Variants in AKAP7 observed in about 807,000 individuals in gnomAD.
AKAP7 encodes A-kinase anchoring protein 7, also known as A kinase (PRKA) anchor protein 7.
In AKAP7, 39 loss-of-function variants were observed where a neutral mutation model predicts 39.5. The ratio of observed to expected loss-of-function variants is 0.99; its 90% confidence interval spans 0.76 to 1.29. The LOEUF (loss-of-function observed/expected upper bound fraction) is 1.29, where lower values mean the gene tolerates loss of function less well. Among genes scored for constraint, AKAP7 ranks in the 50% most tolerant of loss-of-function variants. The probability of loss-of-function intolerance (pLI) is 0.00; values close to 1 mark genes in which losing one functional copy is unlikely to be tolerated. For missense variants in AKAP7, 414 were observed against 407.7 expected, an observed-to-expected ratio of 1.02 and a Z score of -0.13; for synonymous variants, 140 against 139.1, an observed-to-expected ratio of 1.01 and a Z score of -0.05.
chr6:131,151,660 C>T (rs537012575), intron 2 of AKAP7, among the ~76,000 whole-genome samples: 9 of 151,846 alleles, frequency 5.9e-5, no homozygotes, highest in Admixed American at 2.0e-4. Flanking sequence ...GCAGGAGAAT[C>T]GCTTGAACCT....
intron 2 of AKAP7, among the ~76,000 whole-genome samples, chr6:131,154,185 G>A (rs1802204060): frequency 6.6e-6 from 1 of 151,958 alleles, no homozygotes; most frequent in African/African-American, 2.4e-5. Flanking sequence ...TCCAGCCTGG[G>A]CAACAAGAGC....
chr6:131,282,235 T>C lies in AKAP7; in HGVS notation c.*509T>C. 6.7e-6 allele frequency: 9 copies of C among 1,345,018 alleles called. No homozygotes were observed. Among genetic ancestry groups the C allele is most frequent in the Non-Finnish European group, 8.5e-6 (9 of 1,054,404 alleles). The allele number at this position is 1,345,018 out of a possible 1,614,324, so 83.3% of individuals were successfully genotyped here. On this transcript the variant is annotated 3_prime_UTR_variant, in exon 8 of 8. Transcript: ENST00000431975. ...TGTGCTGTTGCTATGCAGTGTGATC[T>C]TTATTTATAGTAAATTATGTTTCAT...
intron 5 of AKAP7, among the ~76,000 whole-genome samples, chr6:131,194,864 G>A (rs1417861517): frequency 6.6e-6 from 1 of 152,034 alleles, no homozygotes; most frequent in African/African-American, 2.4e-5. Context: ...CTCCTGCTCT[G>A]TTTTGGTTCC....
intron 5 of AKAP7, among the ~76,000 whole-genome samples, chr6:131,186,251 C>T (rs1163741468): frequency 1.3e-5 from 2 of 152,068 alleles, no homozygotes; most frequent in Non-Finnish European, 2.9e-5. Context: ...ACCTTCCCCT[C>T]TCTCTCTTAT....
intron 5 of AKAP7, among the ~76,000 whole-genome samples, chr6:131,172,102 T>A (rs1804112878): frequency 6.6e-6 from 1 of 152,142 alleles, no homozygotes; most frequent in Non-Finnish European, 1.5e-5. Context: ...GCTAGAAGTT[T>A]TAAAATCGAG....
intron 5 of AKAP7, among the ~76,000 whole-genome samples, chr6:131,175,241 A>G (rs992278723): frequency 6.6e-6 from 1 of 152,096 alleles, no homozygotes; most frequent in African/African-American, 2.4e-5. Context: ...TAGGGGTGGC[A>G]GAGGCACAAG....
upstream of AKAP7, among the ~76,000 whole-genome samples, chr6:131,134,689 G>C (rs569469635): frequency 4.6e-5 from 7 of 152,328 alleles, no homozygotes; most frequent in African/African-American, 1.4e-4. Context: ...AGAGTAACTA[G>C]TTTGCCGACT....
chr6:131,217,540 G>A (rs1300075949), intron 6 of AKAP7, among the ~76,000 whole-genome samples: 1 of 152,062 alleles, frequency 6.6e-6, no homozygotes. Flanking sequence ...CCTTCAAAAG[G>A]CGTCATGCCT....
Position 131,135,622 on chromosome 6 carries a change from G to A in AKAP7, c.-142G>A, listed in dbSNP as rs1477397152. 5.4e-6 allele frequency: 4 copies of A among 741,696 alleles called. No homozygotes were observed. In the African/African-American group the frequency reaches 5.8e-5, roughly 11 times the overall value. 45.9% of individuals were successfully genotyped at this position (741,696 alleles called of 1,614,324 possible). A position where few individuals can be genotyped will look rare whatever the true frequency, so the allele number is the denominator to read the frequency against. ...CCCGGGCCCCCGCAGCCTGTCGCTG[G>A]ACCCCGCGCCGGCCCAGCGCACCGC... On this transcript the variant is annotated 5_prime_UTR_variant, in exon 1 of 8. The change creates a premature stop within an existing upstream ORF in the 5' untranslated region. Transcript: ENST00000431975.
chr6:131,198,800 C>T (rs181141210), intron 5 of AKAP7, among the ~76,000 whole-genome samples: 3 of 152,262 alleles, frequency 2.0e-5, no homozygotes, highest in African/African-American at 7.2e-5. Flanking sequence ...TTTCCCCAGC[C>T]TCTGGTAGTT....
intron 1 of AKAP7, among the ~76,000 whole-genome samples, chr6:131,139,521 A>C (rs1800848681): frequency 6.6e-6 from 1 of 152,132 alleles, no homozygotes; most frequent in African/African-American, 2.4e-5. Context: ...ATCTGGTGAA[A>C]ATGAGAGAAT....
At chr6:131,269,208 A>G (rs1331893327) in intron 7 of AKAP7, among the ~76,000 whole-genome samples, 1 of 152,130 alleles carries the variant, frequency 6.6e-6, no homozygotes, top group Non-Finnish European at 1.5e-5. Context: ...GATTACAGAC[A>G]TGAGCCACCA....
chr6:131,193,330 G>T (rs977542641), intron 5 of AKAP7, among the ~76,000 whole-genome samples: 8 of 152,100 alleles, frequency 5.3e-5, no homozygotes, highest in African/African-American at 1.9e-4. Flanking sequence ...CAATTGAAAT[G>T]ATCATATGGT....
At chr6:131,190,413 C>T (rs1190800) in intron 5 of AKAP7, among the ~76,000 whole-genome samples, 44,407 of 151,870 alleles carry the variant, frequency 0.29, 7,108 homozygotes, top group Non-Finnish European at 0.36. Flanking sequence ...GAAGCCAAGG[C>T]GGGCAGATCA....
In AKAP7 at chr6:131,260,047, GTGTT is replaced by G. The variant is rs1306926281; in HGVS notation, c.851-21477_851-21474del. Reference sequence around the variant, plus strand: ...CCCTACTTGTAAGTGAGAACATGTGGTGTTTGTTTTTTTTTTCTGTTCCTGTGTT... The same window carrying G: ...CCCTACTTGTAAGTGAGAACATGTGGTGTTTTTTTTTTCTGTTCCTGTGTT... On this transcript the variant is annotated intron_variant, in intron 7 of 7. Transcript: ENST00000431975. 7.2e-5 allele frequency among the ~76,000 whole-genome samples: 11 copies of G among 152,042 alleles called. No homozygotes were observed. In the South Asian group the frequency reaches 1.5e-3, roughly 20 times the overall value.
chr6:131,140,196 T>TA (rs1239926877), intron 1 of AKAP7, among the ~76,000 whole-genome samples: 1 of 152,190 alleles, frequency 6.6e-6, no homozygotes, highest in East Asian at 1.9e-4. Flanking sequence ...TTTAAAAAAA[T>TA]ACCAGAGGTT....
At chr6:131,180,691 T>A (rs1805104643) in intron 5 of AKAP7, among the ~76,000 whole-genome samples, 1 of 152,216 alleles carries the variant, frequency 6.6e-6, no homozygotes, top group South Asian at 2.1e-4. Flanking sequence ...CCTACTTCAC[T>A]GCATGCCACA....
At chr6:131,149,646 C>CA (rs1801758166) in intron 2 of AKAP7, among the ~76,000 whole-genome samples, 1 of 152,024 alleles carries the variant, frequency 6.6e-6, no homozygotes, top group Admixed American at 6.5e-5. Flanking sequence ...AGAAACAAAA[C>CA]AAAAAAGAAA....
intron 7 of AKAP7, among the ~76,000 whole-genome samples, chr6:131,263,570 TG>T (rs1813538456): frequency 6.6e-6 from 1 of 152,116 alleles, no homozygotes; most frequent in African/African-American, 2.4e-5. Flanking sequence ...GAAAGCAGCA[TG>T]TTGTGAAAAT....
Sources: allele counts gnomAD v4.1 joint callset (sites outside exome capture counted in the v4.1 genomes callset), GRCh38; gene constraint gnomAD v4.1.1; transcripts MANE v1.5; gene names NCBI Gene and HGNC (gene_info 2026-07-23, HGNC 2026-07-21).